Variants in HEPACAM2 observed in about 807,000 individuals in gnomAD.
HEPACAM2 encodes the protein HEPACAM family member 2.
A neutral mutation model predicts 49.6 loss-of-function variants in HEPACAM2; 49 were observed. The observed-to-expected ratio is 0.99, with a 90% CI of 0.78 to 1.25. HEPACAM2 has a LOEUF of 1.25. Ranked by LOEUF, HEPACAM2 falls within the 50% of genes most tolerant of loss-of-function variation. The probability of loss-of-function intolerance (pLI) is 0.00; values close to 1 mark genes in which losing one functional copy is unlikely to be tolerated. For synonymous variants in HEPACAM2, 197 were observed against 202.9 expected (o/e 0.97, Z 0.25); for missense variants, 525 against 557.2 (o/e 0.94, Z 0.58).
upstream of HEPACAM2, among the ~76,000 whole-genome samples, chr7:93,227,363 A>C (rs1028967735): frequency 6.6e-6 from 1 of 152,204 alleles, no homozygotes; most frequent in Non-Finnish European, 1.5e-5. Context: ...AATGTTAAGG[A>C]TATATCCAAA....
chr7:93,216,716 T>C (rs1279368000), intron 2 of HEPACAM2, among the ~76,000 whole-genome samples: 1 of 152,188 alleles, frequency 6.6e-6, no homozygotes, highest in East Asian at 1.9e-4. Context: ...CTTCTGCATT[T>C]TGGAGAGAGG....
chr7:93,231,669 CTAAA>C, the HEPACAM2 span, among the ~76,000 whole-genome samples: 4 of 152,124 alleles, frequency 2.6e-5, no homozygotes, highest in South Asian at 8.3e-4. Flanking sequence ...CCCAATTTAA[CTAAA>C]CTGCCAAAAG....
chr7:93,219,125 G>C lies in HEPACAM2; in HGVS notation c.406C>G (p.Gln136Glu), dbSNP rs777354053. Residue 136 changes from glutamine (Q) to glutamate (E), a missense_variant, in exon 2 of 10, where the codon CAG becomes GAG. Transcript: ENST00000394468. ...IQGNGTLSAS[Q>E]KIQVTVDDPV... ...CCATCAACCGTGACTTGTATCTTCTGACTGGCAGATAGAGTTCCATTTCCC... is the reference window on the plus strand; with the variant it reads ...CCATCAACCGTGACTTGTATCTTCTCACTGGCAGATAGAGTTCCATTTCCC... The C allele has an allele frequency of 1.2e-6, 2 of 1,613,788 alleles. No individual in the cohort carries two copies. Among genetic ancestry groups the C allele is most frequent in the South Asian group, 2.2e-5 (2 of 91,044 alleles).
intron 4 of HEPACAM2, 38 bp from the exon 5 acceptor site, chr7:93,197,648 G>T (rs1793768459): frequency 6.7e-7 from 1 of 1,487,982 alleles, no homozygotes; most frequent in Non-Finnish European, 9.1e-7. Flanking sequence ...GCAATAAATT[G>T]CTACAGTATA....
intron 3 of HEPACAM2, among the ~76,000 whole-genome samples, chr7:93,209,767 A>T (rs1219434801): frequency 6.6e-6 from 1 of 151,972 alleles, no homozygotes; most frequent in Non-Finnish European, 1.5e-5. Context: ...TACTTTCAGT[A>T]TTATCTATTT....
At chr7:93,226,326 AACCT>A (rs1794538873) in intron 1 of HEPACAM2, 38 bp downstream of exon 1, 1 of 1,454,998 alleles carries the variant, frequency 6.9e-7, no homozygotes, top group Admixed American at 1.9e-5. Flanking sequence ...AAAAAAAAAA[AACCT>A]AACAAACAGC....
At chr7:93,213,467 G>T (rs1399215528) in intron 3 of HEPACAM2, among the ~76,000 whole-genome samples, 1 of 151,854 alleles carries the variant, frequency 6.6e-6, no homozygotes, top group Non-Finnish European at 1.5e-5. Flanking sequence ...TTTTGCTAAA[G>T]GTCAGGAAAA....
upstream of HEPACAM2, among the ~76,000 whole-genome samples, chr7:93,226,863 T>A (rs1353465564): frequency 1.3e-5 from 2 of 152,112 alleles, no homozygotes; most frequent in East Asian, 1.9e-4. Context: ...TTAAAAAAAA[T>A]TATATGAAAA....
At chr7:93,217,899 T>TGA (rs1368575664) in intron 2 of HEPACAM2, among the ~76,000 whole-genome samples, 1 of 151,738 alleles carries the variant, frequency 6.6e-6, no homozygotes, top group African/African-American at 2.4e-5. Context: ...TGTGTGTGTG[T>TGA]GTGTGTGTGT....
intron 9 of HEPACAM2, among the ~76,000 whole-genome samples, chr7:93,190,330 G>A (rs1793510831): frequency 1.3e-5 from 2 of 151,946 alleles, no homozygotes; most frequent in Non-Finnish European, 2.9e-5. Context: ...TTTTAAGAAG[G>A]ATATTACGGA....
intron 4 of HEPACAM2, among the ~76,000 whole-genome samples, chr7:93,198,309 A>G (rs957045249): frequency 6.6e-6 from 1 of 152,066 alleles, no homozygotes; most frequent in Non-Finnish European, 1.5e-5. Flanking sequence ...TGCATGATAC[A>G]TATTAACTCA....
intron 3 of HEPACAM2, among the ~76,000 whole-genome samples, chr7:93,209,962 C>T (rs961919691): frequency 1.3e-5 from 2 of 151,928 alleles, no homozygotes; most frequent in Non-Finnish European, 2.9e-5. Context: ...AAAAAAGTTA[C>T]ATCTTCTTTA....
At chr7:93,203,655 G>A (rs1244723030) in intron 4 of HEPACAM2, among the ~76,000 whole-genome samples, 3 of 152,090 alleles carry the variant, frequency 2.0e-5, no homozygotes, top group East Asian at 3.9e-4. Context: ...CAAATAAAAT[G>A]GAATAACATG....
chr7:93,208,724 T>C lies in HEPACAM2; in HGVS notation c.868A>G (p.Thr290Ala), dbSNP rs763378134. The C allele has an allele frequency of 6.2e-6, 10 of 1,613,098 alleles. No individual in the cohort carries two copies. The highest frequency in any genetic ancestry group is 6.8e-6 in the Non-Finnish European group (8 of 1,179,478). ...YSWIRRTDNT[T>A]YIIKHGPRLE... ...CGAGGCCCATGCTTAATGATATATG[T>C]AGTATTGTCAGTCCTCCTAATCCAG... Residue 290 changes from threonine to alanine, a missense_variant, in exon 4 of 10, where the codon ACA becomes GCA. By Grantham distance (58) the Thr-to-Ala change is moderately conservative. Transcript: ENST00000394468.
At chr7:93,194,629 A>ACTCTGT (rs1793639058) in intron 8 of HEPACAM2, among the ~76,000 whole-genome samples, 1 of 152,040 alleles carries the variant, frequency 6.6e-6, no homozygotes, top group African/African-American at 2.4e-5. Context: ...TCTCAAATAA[A>ACTCTGT]CTCTGTGGCG....
At chr7:93,216,927 C>T (rs1374880776) in intron 2 of HEPACAM2, among the ~76,000 whole-genome samples, 1 of 152,068 alleles carries the variant, frequency 6.6e-6, no homozygotes, top group Non-Finnish European at 1.5e-5. Context: ...CATTAGGGCA[C>T]AAACTGACCA....
At chr7:93,221,799 A>C (rs1794456783) in intron 1 of HEPACAM2, among the ~76,000 whole-genome samples, 1 of 152,114 alleles carries the variant, frequency 6.6e-6, no homozygotes, top group Non-Finnish European at 1.5e-5. Flanking sequence ...TTTTGTGATT[A>C]ACTTCTAAGA....
At chr7:93,204,398 C>T (rs1241859458) in intron 4 of HEPACAM2, among the ~76,000 whole-genome samples, 1 of 151,878 alleles carries the variant, frequency 6.6e-6, no homozygotes, top group Non-Finnish European at 1.5e-5. Context: ...TCTGTCTATA[C>T]ATTGCATGTC....
chr7:93,217,886 G>A (rs1187993364), intron 2 of HEPACAM2, among the ~76,000 whole-genome samples: 5 of 150,652 alleles, frequency 3.3e-5, no homozygotes, highest in Non-Finnish European at 7.4e-5. Flanking sequence ...CTGTGTGTGT[G>A]TGTGTGTGTG....
Sources: allele counts gnomAD v4.1 joint callset (sites outside exome capture counted in the v4.1 genomes callset), GRCh38; gene constraint gnomAD v4.1.1; transcripts MANE v1.5; gene names NCBI Gene and HGNC (gene_info 2026-07-23, HGNC 2026-07-21).